ESR1: variants seen among roughly 807,000 people sequenced by gnomAD.
ESR1 encodes the protein estrogen receptor.
A neutral mutation model predicts 52.7 loss-of-function variants in ESR1; 12 were observed. The ratio of observed to expected loss-of-function variants is 0.23; its 90% CI spans 0.15 to 0.37. The LOEUF is 0.37. ESR1 is among the 10% of genes least tolerant of loss of function. The pLI, the probability that ESR1 is intolerant of heterozygous loss-of-function variation, is 1.00. For synonymous variants in ESR1, 305 were observed against 316.8 expected, an observed-to-expected ratio of 0.96 and a Z score of 0.39; for missense variants, 584 against 779.7, an observed-to-expected ratio of 0.75 and a Z score of 2.99.
intron 2 of ESR1, among the ~76,000 whole-genome samples, chr6:151,725,959 G>C (rs1384203765): frequency 6.6e-6 from 1 of 152,224 alleles, no homozygotes; most frequent in Non-Finnish European, 1.5e-5. Flanking sequence ...TCATAAAAAG[G>C]TGAGCTTGTG....
chr6:151,955,721 A>T (rs974597893), intron 4 of ESR1, among the ~76,000 whole-genome samples: 12 of 152,274 alleles, frequency 7.9e-5, no homozygotes, highest in South Asian at 2.1e-4. Context: ...ACTGTTATTT[A>T]AAAAAAGTAA....
At chr6:151,744,617 C>A (rs573358029) in intron 2 of ESR1, among the ~76,000 whole-genome samples, 4 of 152,098 alleles carry the variant, frequency 2.6e-5, no homozygotes, top group Non-Finnish European at 5.9e-5. Context: ...GGATAGTAGA[C>A]CCTTATCAAA....
intron 2 of ESR1, among the ~76,000 whole-genome samples, chr6:151,784,742 A>G (rs759453675): frequency 2.0e-5 from 3 of 152,154 alleles, no homozygotes; most frequent in Non-Finnish European, 2.9e-5. Flanking sequence ...CTTTTAACAT[A>G]TCCTTCCCAC....
chr6:151,992,380 T>C (rs892890632), intron 4 of ESR1, among the ~76,000 whole-genome samples: 1 of 152,178 alleles, frequency 6.6e-6, no homozygotes, highest in African/African-American at 2.4e-5. Context: ...CGCGTTTAAC[T>C]ACTCATATAG....
In ESR1 at chr6:152,098,684, G is replaced by A. The variant is rs2152505805; in HGVS notation, c.1554-48G>A. ...TTCTAGGGATTTCAGCACTCCTGGG[G>A]CTCGGGTTGGCTCTAAAGTAGTCCT... On this transcript the variant is annotated intron_variant, in intron 7 of 7. Transcript: ENST00000206249. The surrounding 1 kb of genome is among the most constrained non-coding windows in gnomAD (Gnocchi z 5.1). The A allele has an allele frequency of 6.7e-7, 1 of 1,492,136 alleles. No homozygotes were observed. Among genetic ancestry groups the A allele is most frequent in the Non-Finnish European group, 9.3e-7 (1 of 1,074,974 alleles). The allele number at this position is 1,492,136 out of a possible 1,614,324, so 92.4% of individuals were successfully genotyped here.
chr6:152,066,943 A>C (rs73616080), intron 6 of ESR1, among the ~76,000 whole-genome samples: 3,319 of 152,332 alleles, frequency 0.022, 110 homozygotes, highest in African/African-American at 0.076. Flanking sequence ...CCAGTTAGTA[A>C]AGCATCTTGC....
chr6:151,716,065 T>C (rs1331232838), intron 2 of ESR1, among the ~76,000 whole-genome samples: 4 of 152,238 alleles, frequency 2.6e-5, no homozygotes, highest in African/African-American at 9.6e-5. Context: ...CCTTTCTGTT[T>C]GTTAGTTTTC....
intron 1 of ESR1, among the ~76,000 whole-genome samples, chr6:151,698,418 C>T (rs1779528723): frequency 2.6e-5 from 4 of 151,402 alleles, no homozygotes; most frequent in African/African-American, 7.3e-5. Flanking sequence ...ATAAACACAA[C>T]CAAACCCATG....
chr6:151,875,261 C>T lies in ESR1; in HGVS notation c.644-5394C>T, dbSNP rs192994258. On this transcript the variant is annotated intron_variant, in intron 2 of 7. Coordinates refer to ENST00000206249, the MANE Select transcript of ESR1 (RefSeq NM_000125.4). ...AGACTGCCCCTGCTTAGAACCAAGC[C>T]TTGTTCTTGTGGATTTGAGTTTTGG... is the stretch of plus-strand genomic sequence containing the variant. 2.0e-5 allele frequency among the ~76,000 whole-genome samples: 3 copies of T among 152,254 alleles called. No individual in the cohort carries two copies. In the East Asian group the frequency reaches 5.8e-4, roughly 29 times the overall value.
chr6:151,853,004 T>C (rs1787100084), intron 2 of ESR1, among the ~76,000 whole-genome samples: 1 of 150,786 alleles, frequency 6.6e-6, no homozygotes, highest in Non-Finnish European at 1.5e-5. Flanking sequence ...AAACCCCGTC[T>C]CTACTAAAAA....
At chr6:152,042,430 C>T (rs552503574) in intron 5 of ESR1, among the ~76,000 whole-genome samples, 1 of 152,172 alleles carries the variant, frequency 6.6e-6, no homozygotes, top group Non-Finnish European at 1.5e-5. Flanking sequence ...CAGCTCAGAG[C>T]CAGTGTCCAG....
At chr6:151,986,850 T>C (rs1041460686) in intron 4 of ESR1, among the ~76,000 whole-genome samples, 1 of 152,130 alleles carries the variant, frequency 6.6e-6, no homozygotes, top group African/African-American at 2.4e-5. Context: ...TCTCCTTTCC[T>C]CTTTCTCTGC....
chr6:151,849,965 G>T (rs867196956), intron 2 of ESR1, among the ~76,000 whole-genome samples: 1 of 92,928 alleles, frequency 1.1e-5, no homozygotes, highest in African/African-American at 4.4e-5. Context: ...TTTCCACCTA[G>T]TTTCCTAGGG....
intron 6 of ESR1, among the ~76,000 whole-genome samples, chr6:152,089,040 A>T (rs9341043): frequency 6.6e-6 from 1 of 152,204 alleles, no homozygotes; most frequent in African/African-American, 2.4e-5. Context: ...TCTAGAACTT[A>T]ACAAGGCCTT....
chr6:151,682,477 T>A (rs1053435651), intron 1 of ESR1, among the ~76,000 whole-genome samples: 1 of 152,188 alleles, frequency 6.6e-6, no homozygotes, highest in Admixed American at 6.5e-5. Flanking sequence ...AAAATCAAGA[T>A]CTCTTTGGAG....
intron 5 of ESR1, among the ~76,000 whole-genome samples, chr6:152,012,367 T>C (rs1456379684): frequency 6.6e-6 from 1 of 151,768 alleles, no homozygotes; most frequent in Non-Finnish European, 1.5e-5. Flanking sequence ...TTTTCAGTCA[T>C]TGCTTAGAGT....
chr6:151,788,998 T>C (rs1338811561), intron 2 of ESR1, among the ~76,000 whole-genome samples: 1 of 152,082 alleles, frequency 6.6e-6, no homozygotes, highest in African/African-American at 2.4e-5. Flanking sequence ...AAATAACTAA[T>C]GGGTACTAGG....
intron 2 of ESR1, among the ~76,000 whole-genome samples, chr6:151,767,796 C>G (rs1047707897): frequency 6.6e-6 from 1 of 152,160 alleles, no homozygotes; most frequent in Non-Finnish European, 1.5e-5. Context: ...CCAAAGCCTT[C>G]TTAGTGTTCT....
chr6:151,988,768 A>G (rs552626005), intron 4 of ESR1, among the ~76,000 whole-genome samples: 1 of 152,268 alleles, frequency 6.6e-6, no homozygotes, highest in East Asian at 1.9e-4. Flanking sequence ...ATATATTTGC[A>G]TCGGAGTTAT....
Sources: allele counts gnomAD v4.1 joint callset (sites outside exome capture counted in the v4.1 genomes callset), GRCh38; gene constraint gnomAD v4.1.1; non-coding constraint Gnocchi (gnomAD v3.1); transcripts MANE v1.5; gene names NCBI Gene and HGNC (gene_info 2026-07-23, HGNC 2026-07-21).